The following SLC25A47 variants were observed in gnomAD, a reference collection of about 807,000 sequenced individuals.
SLC25A47 encodes solute carrier family 25 member 47.
In SLC25A47, 30 loss-of-function variants were observed where a neutral mutation model predicts 29.8. The ratio of observed to expected loss-of-function variants is 1.01; its 90% CI spans 0.75 to 1.36. The LOEUF (loss-of-function observed/expected upper bound fraction) is 1.36. Among genes scored for constraint, SLC25A47 ranks in the 40% most tolerant of loss-of-function variants. The pLI, the probability that SLC25A47 is intolerant of heterozygous loss-of-function variation, is 0.00. For synonymous variants in SLC25A47, 204 were observed against 197.8 expected, an observed-to-expected ratio of 1.03 and a Z score of -0.26; for missense variants, 430 against 441.9, an observed-to-expected ratio of 0.97 and a Z score of 0.24.
At position 100,328,883 on chromosome 14, in the gene SLC25A47, C is replaced by T; in HGVS notation, c.485C>T (p.Pro162Leu). 6.2e-7 allele frequency: 1 copy of T among 1,611,836 alleles called. No individual in the cohort carries two copies. Among genetic ancestry groups the T allele is most frequent in the East Asian group, 2.2e-5 (1 of 44,880 alleles). Residue 162 changes from proline to leucine, a missense_variant, in exon 5 of 6, where the codon CCA becomes CTA. Transcript: ENST00000361529. The stretch of plus-strand genomic sequence containing the variant: ...TGCCCAGAGCCCAAGTACCGCGGGC[C>T]ACTGCACTGCCTGGCCACGGTAGCC... ...PACPEPKYRGPLHCLATVARE... is the reference protein window; with the variant it reads ...PACPEPKYRGLLHCLATVARE...
chr14:100,324,516 C>T (rs1199462362), intron 1 of SLC25A47, among the ~76,000 whole-genome samples: 2 of 152,218 alleles, frequency 1.3e-5, no homozygotes, highest in East Asian at 1.9e-4. Context: ...TGAGCCACTG[C>T]GCCCGGCCTC....
intron 5 of SLC25A47, 126 bp downstream of exon 5, chr14:100,329,170 C>T: frequency 8.2e-7 from 1 of 1,214,692 alleles, no homozygotes; most frequent in East Asian, 2.5e-5. Flanking sequence ...CCAGAGTGGG[C>T]TCCTCAGTTC....
intron 1 of SLC25A47, 45 bp from the exon 2 acceptor site, chr14:100,325,743 C>T (rs546183058): frequency 1.4e-5 from 23 of 1,596,622 alleles, no homozygotes; most frequent in African/African-American, 8.0e-5. Context: ...TTGAACTGCT[C>T]GCCGGCCCCA....
chr14:100,329,459 A>G lies in SLC25A47; in HGVS notation c.741A>G (p.Ala247=). 1 of 1,613,548 alleles carries G rather than the reference A, an allele frequency of 6.2e-7. No individual in the cohort carries two copies. Among genetic ancestry groups the G allele is most frequent in the South Asian group, 1.1e-5 (1 of 91,084 alleles). The change falls in exon 6 of 6, where the codon GCA becomes GCG. Residue 247 remains alanine, a synonymous_variant. Coordinates refer to ENST00000361529, the MANE Select transcript of SLC25A47 (RefSeq NM_207117.4). The part of the protein sequence containing the change: ...PMDVIKSRLQ[A]DGQGQRRYRG... ...ACGTGATCAAGTCGAGACTGCAGGC[A>G]GACGGGCAGGGCCAGAGGCGCTACC...
intron 1 of SLC25A47, among the ~76,000 whole-genome samples, chr14:100,324,571 C>T (rs1200239013): frequency 1.3e-5 from 2 of 152,208 alleles, no homozygotes; most frequent in East Asian, 1.9e-4. Context: ...AGCCTGGGGC[C>T]AGCCGCTCCC....
chr14:100,323,508 T>C (rs568024283), intron 1 of SLC25A47, 66 bp downstream of exon 1: 46 of 1,588,914 alleles, frequency 2.9e-5, no homozygotes, highest in Non-Finnish European at 3.7e-5. Context: ...GGAACTGAGG[T>C]CCAGGAAGGT....
At chr14:100,327,040 C>A in intron 3 of SLC25A47, 148 bp from the exon 4 acceptor site, 1 of 746,116 alleles carries the variant, frequency 1.3e-6, no homozygotes, top group Non-Finnish European at 2.1e-6. Flanking sequence ...TGACCTCCAT[C>A]TTACAGCAGA....
chr14:100,327,280 G>A lies in SLC25A47; in HGVS notation c.237G>A (p.Ala79=), dbSNP rs142446085. 7.4e-3 allele frequency: 11,887 copies of A among 1,606,782 alleles called. 46 individuals are homozygous for A. The highest frequency in any genetic ancestry group is 9.0e-3 in the Non-Finnish European group (10,613 of 1,179,940). The part of the protein sequence containing the change: ...VSFGTYRHCL[A]HICRLRYGNP... ...TTGGCACCTACCGCCACTGCCTGGCGCACATCTGCCGGCTCCGGTACGGCA... is the reference window on the plus strand; with the variant it reads ...TTGGCACCTACCGCCACTGCCTGGCACACATCTGCCGGCTCCGGTACGGCA... The change falls in exon 4 of 6, where the codon GCG becomes GCA. Residue 79 remains alanine (A), a synonymous_variant. Coordinates refer to ENST00000361529, the MANE Select transcript of SLC25A47 (RefSeq NM_207117.4).
rs766774898 is a variant in SLC25A47, at chr14:100,326,228, C to A, written c.144C>A (p.Arg48=). 6 of 1,613,560 alleles carry A rather than the reference C, an allele frequency of 3.7e-6. No individual in the cohort carries two copies. The East Asian group carries it at 1.3e-4, about 36-fold the overall frequency. The stretch of plus-strand genomic sequence containing the variant: ...TCCGGGATACGTATCACCGAGAGCG[C>A]GTAGGTCTGGGGCCAGGGGCTGGGT... ...HCVRDTYHRE[R]VWGFYRGLSL... Residue 48 remains arginine (R), a splice_region_variant and synonymous_variant, in exon 3 of 6, where the codon CGC becomes CGA. Transcript: ENST00000361529.
chr14:100,324,137 G>C (rs1893296920), intron 1 of SLC25A47, among the ~76,000 whole-genome samples: 1 of 152,132 alleles, frequency 6.6e-6, no homozygotes, highest in African/African-American at 2.4e-5. Flanking sequence ...GGTGGCGTCA[G>C]TACTTCTGGA....
At chr14:100,326,399 T>C (rs918827222) in intron 3 of SLC25A47, among the ~76,000 whole-genome samples, 171 bp downstream of exon 3, 1 of 152,132 alleles carries the variant, frequency 6.6e-6, no homozygotes, top group Admixed American at 6.5e-5. Flanking sequence ...AGCCAGGACA[T>C]CTGGCAGCTA....
chr14:100,327,102 A>G, intron 3 of SLC25A47, 86 bp from the exon 4 acceptor site: 2 of 1,309,894 alleles, frequency 1.5e-6, no homozygotes, highest in South Asian at 2.9e-5. Flanking sequence ...CCGACAGCGG[A>G]GTGCGGAGCA....
intron 4 of SLC25A47, 97 bp downstream of exon 4, chr14:100,327,467 G>T: frequency 1.5e-6 from 2 of 1,337,338 alleles, no homozygotes; most frequent in South Asian, 2.9e-5. Context: ...GGCTTGATGA[G>T]GGCAGACACT....
intron 4 of SLC25A47, 115 bp from the exon 5 acceptor site, chr14:100,328,611 T>G: frequency 1.8e-6 from 2 of 1,111,094 alleles, no homozygotes; most frequent in East Asian, 2.4e-5. Context: ...GCCTGCAGGG[T>G]CTCGGGGCCC....
chr14:100,324,516 C>A (rs1199462362), intron 1 of SLC25A47, among the ~76,000 whole-genome samples: 1 of 152,218 alleles, frequency 6.6e-6, no homozygotes, highest in East Asian at 1.9e-4. Flanking sequence ...TGAGCCACTG[C>A]GCCCGGCCTC....
At position 100,330,385 on chromosome 14, in the gene SLC25A47, T is replaced by A. The variant is rs1418706169; in HGVS notation, c.*740T>A. 1.3e-5 allele frequency: 2 copies of A among 153,196 alleles called. No homozygotes were observed. The highest frequency in any genetic ancestry group is 4.8e-5 in the African/African-American group (2 of 41,488). The allele number at this position is 153,196 out of a possible 1,614,324, so 9.5% of individuals were successfully genotyped here. The stretch of plus-strand genomic sequence containing the variant: ...ATGTTTCTGAGGATGTTCAGGGCTG[T>A]GGCTCCATGGCCGTGGGCTGACTGT... On this transcript the variant is annotated 3_prime_UTR_variant, in exon 6 of 6. Coordinates refer to ENST00000361529, the MANE Select transcript of SLC25A47 (RefSeq NM_207117.4).
Position 100,323,449 on chromosome 14 carries a change from G to A in SLC25A47, c.28+7G>A. On this transcript the variant is annotated splice_region_variant and intron_variant, in intron 1 of 5. Transcript: ENST00000361529. The stretch of plus-strand genomic sequence containing the variant: ...GTCGCTGGAGCCATCGGAGGTAACA[G>A]ACAGGATGGTGGGCTGTGCAGACAC... 6.2e-7 allele frequency: 1 copy of A among 1,613,818 alleles called. No homozygotes were observed. The highest frequency in any genetic ancestry group is 8.5e-7 in the Non-Finnish European group (1 of 1,179,904).
chr14:100,323,735 T>TG (rs1893289399), intron 1 of SLC25A47, among the ~76,000 whole-genome samples: 1 of 151,578 alleles, frequency 6.6e-6, no homozygotes, highest in Non-Finnish European at 1.5e-5. Flanking sequence ...TCAGGGAGGC[T>TG]GGGAGTCCTT....
At chr14:100,328,625 C>G in intron 4 of SLC25A47, 101 bp from the exon 5 acceptor site, 1 of 1,300,754 alleles carries the variant, frequency 7.7e-7, no homozygotes, top group Non-Finnish European at 1.1e-6. Flanking sequence ...GGGGCCCAAC[C>G]TCCTGAGGTC....
Sources: allele counts gnomAD v4.1 joint callset (sites outside exome capture counted in the v4.1 genomes callset), GRCh38; gene constraint gnomAD v4.1.1; transcripts MANE v1.5; gene names NCBI Gene and HGNC (gene_info 2026-07-23, HGNC 2026-07-21).